Variants in DNAH11 observed in about 807,000 individuals in gnomAD.
DNAH11 encodes axonemal beta dynein heavy chain 11.
In DNAH11, 442 loss-of-function variants were observed where a neutral mutation model predicts 526.0. The ratio of observed to expected loss-of-function variants is 0.84; its 90% CI spans 0.78 to 0.91. DNAH11 has a LOEUF of 0.91. Among genes scored for constraint, DNAH11 ranks in the 40% least tolerant of loss-of-function variants. The probability of loss-of-function intolerance (pLI) is 0.00; values close to 1 mark genes in which losing one functional copy is unlikely to be tolerated. For missense variants in DNAH11, 6,989 were observed against 5,448.7 expected, an observed-to-expected ratio of 1.28 and a Z score of -8.90; for synonymous variants, 2,461 against 1,935.9, an observed-to-expected ratio of 1.27 and a Z score of -7.12.
intron 65 of DNAH11, among the ~76,000 whole-genome samples, chr7:21,831,914 A>G (rs926899081): frequency 6.6e-6 from 1 of 152,076 alleles, no homozygotes; most frequent in African/African-American, 2.4e-5. Context: ...GCAAGGTGAA[A>G]CCCCATCTCT....
intron 35 of DNAH11, among the ~76,000 whole-genome samples, chr7:21,696,064 G>C (rs888999327): frequency 6.6e-6 from 1 of 152,168 alleles, no homozygotes; most frequent in Non-Finnish European, 1.5e-5. Context: ...TGATAAGCTA[G>C]AGGATTATCA....
At chr7:21,690,946 A>G (rs1431122739) in intron 35 of DNAH11, 65 bp downstream of exon 35, 48 of 1,228,124 alleles carry the variant, frequency 3.9e-5, no homozygotes, top group Middle Eastern at 3.7e-4. Context: ...GTTGGTTTGC[A>G]CTGTTAAGTG....
At position 21,779,087 on chromosome 7, in the gene DNAH11, G is replaced by T; in HGVS notation, c.9466G>T (p.Asp3156Tyr). Residue 3156 changes from aspartate (D) to tyrosine (Y), a missense_variant, in exon 57 of 82, where the codon GAT (aspartate) becomes TAT (tyrosine). Coordinates refer to ENST00000409508, the MANE Select transcript of DNAH11 (RefSeq NM_001277115.2). The part of the protein sequence containing the change: ...EKVSREKTIA[D>Y]AEERKVTAIQ... ...AGTGAGCCGGGAAAAGACCATCGCT[G>T]ATGCTGAGGAGCGAAAGGTCAGGCT... 4.3e-6 allele frequency: 7 copies of T among 1,612,660 alleles called. No individual in the cohort carries two copies. The highest frequency in any genetic ancestry group is 5.9e-6 in the Non-Finnish European group (7 of 1,178,974).
intron 20 of DNAH11, among the ~76,000 whole-genome samples, chr7:21,607,343 A>G (rs1175267123): frequency 6.6e-6 from 1 of 152,082 alleles, no homozygotes; most frequent in African/African-American, 2.4e-5. Context: ...ACCCAGATTG[A>G]GGGTGGGTTT....
In DNAH11 at chr7:21,594,006, T is replaced by TCACACA. The variant is rs909880186; in HGVS notation, c.2667+2435_2667+2440dup. Among the ~76,000 whole-genome samples the TCACACA allele has an allele frequency of 1.3e-3, 190 of 149,042 alleles. 1 individual carries two copies. Among genetic ancestry groups the TCACACA allele is most frequent in the African/African-American group, 4.2e-3 (170 of 40,492 alleles). Reference sequence around the variant, plus strand: ...ACACACAGTCTCTTCCTCTCACATATCACACACACACTCACACACACTCTT... The same window carrying TCACACA: ...ACACACAGTCTCTTCCTCTCACATATCACACACACACACACACTCACACACACTCTT... On this transcript the variant is annotated intron_variant, in intron 14 of 81. Transcript: ENST00000409508.
At chr7:21,796,238 G>C (rs902600119) in intron 61 of DNAH11, among the ~76,000 whole-genome samples, 1 of 152,194 alleles carries the variant, frequency 6.6e-6, no homozygotes, top group Non-Finnish European at 1.5e-5. Flanking sequence ...TAAGGCAAAC[G>C]TAGATTCAGT....
rs1458931309 is a variant in DNAH11, at chr7:21,786,677, T to C, written c.9651T>C (p.Asn3217=). 12 of 1,613,724 alleles carry C rather than the reference T, an allele frequency of 7.4e-6. No homozygotes were observed. The highest frequency in any genetic ancestry group is 4.5e-5 in the East Asian group (2 of 44,884). ...AFPNPPIAVT[N]VTAAVMVLLA... ...CCAACCCTCCCATCGCAGTTACCAA[T>C]GTTACTGCAGCCGTGATGGTCCTTC... The change falls in exon 59 of 82, where the codon AAT becomes AAC. Residue 3217 remains asparagine, a synonymous_variant. Transcript: ENST00000409508.
At chr7:21,581,866 T>G (rs777721559) in intron 8 of DNAH11, 39 bp from the exon 9 acceptor site, 4 of 1,323,550 alleles carry the variant, frequency 3.0e-6, no homozygotes. Context: ...GCTGTTGGAT[T>G]ATTTCCAATA....
chr7:21,782,342 C>G (rs924507095), intron 57 of DNAH11, among the ~76,000 whole-genome samples: 11 of 152,194 alleles, frequency 7.2e-5, no homozygotes, highest in African/African-American at 2.4e-4. Context: ...GCCTTGCTGA[C>G]CACTGCCTAG....
At chr7:21,843,605 C>T (rs1392750081) in intron 66 of DNAH11, among the ~76,000 whole-genome samples, 6 of 151,766 alleles carry the variant, frequency 4.0e-5, no homozygotes, top group East Asian at 1.9e-4. Context: ...CTCAGCTTCC[C>T]GAGTAGCTGG....
intron 74 of DNAH11, among the ~76,000 whole-genome samples, chr7:21,876,052 T>A (rs979453899): frequency 2.0e-5 from 3 of 151,808 alleles, no homozygotes; most frequent in Non-Finnish European, 2.9e-5. Flanking sequence ...CACGGCTAAT[T>A]TTTTGAGTTT....
chr7:21,875,786 A>C (rs984516091), intron 74 of DNAH11, among the ~76,000 whole-genome samples: 7 of 151,734 alleles, frequency 4.6e-5, no homozygotes, highest in Non-Finnish European at 1.0e-4. Context: ...GAACCTGTCA[A>C]TTCTTTTGAC....
intron 34 of DNAH11, among the ~76,000 whole-genome samples, chr7:21,688,900 A>T (rs1351925136): frequency 6.6e-6 from 1 of 152,088 alleles, no homozygotes; most frequent in Non-Finnish European, 1.5e-5. Flanking sequence ...GGGCAATCTT[A>T]TTTATCTGGC....
intron 20 of DNAH11, among the ~76,000 whole-genome samples, chr7:21,611,970 C>G (rs546541669): frequency 6.6e-6 from 1 of 152,036 alleles, no homozygotes; most frequent in East Asian, 1.9e-4. Context: ...AAGACTAACT[C>G]TATGGACAAA....
chr7:21,600,615 T>C (rs1785042123), intron 15 of DNAH11, 61 bp from the exon 16 acceptor site: 2 of 1,495,118 alleles, frequency 1.3e-6, no homozygotes, highest in Admixed American at 2.2e-5. Context: ...TGTTATGTTG[T>C]AGATAATTGG....
chr7:21,834,609 C>T (rs917062257), intron 65 of DNAH11, among the ~76,000 whole-genome samples: 1 of 152,024 alleles, frequency 6.6e-6, no homozygotes, highest in African/African-American at 2.4e-5. Context: ...AAGGCAGGAG[C>T]GTCGCTTGAG....
chr7:21,819,185 T>C (rs777422668), intron 65 of DNAH11, among the ~76,000 whole-genome samples: 2 of 152,128 alleles, frequency 1.3e-5, no homozygotes, highest in Non-Finnish European at 2.9e-5. Flanking sequence ...TTCAAAGATA[T>C]ATAATTTCAG....
intron 80 of DNAH11, 40 bp downstream of exon 80, chr7:21,899,488 C>T (rs756523188): frequency 1.4e-5 from 21 of 1,485,346 alleles, no homozygotes; most frequent in Non-Finnish European, 1.9e-5. Flanking sequence ...GCACACAGGA[C>T]CACAGCCTAA....
At chr7:21,763,338 T>A (rs1284008416) in intron 54 of DNAH11, among the ~76,000 whole-genome samples, 2 of 4,670 alleles carry the variant, frequency 4.3e-4, no homozygotes, top group Non-Finnish European at 7.9e-4. Context: ...CAAGACTGTC[T>A]CAAAAAAAAA....
Sources: gnomAD v4.1 joint callset for allele counts (sites outside exome capture counted in the v4.1 genomes callset) on GRCh38, gnomAD v4.1.1 for gene constraint, MANE v1.5 for transcripts, NCBI Gene and HGNC (gene_info 2026-07-23, HGNC 2026-07-21) for gene names.